THRB: variants seen among roughly 807,000 people sequenced by gnomAD.
The protein encoded by THRB is nuclear receptor subfamily 1 group A member 2.
Under a neutral mutation model 47.8 loss-of-function variants are expected in THRB, and 12 were observed. The observed-to-expected ratio is 0.25, with a 90% CI of 0.16 to 0.41. The LOEUF is 0.41. Ranked by LOEUF, THRB falls within the 10% of genes least tolerant of loss-of-function variation. The pLI, the probability that THRB is intolerant of heterozygous loss-of-function variation, is 1.00. For missense variants in THRB, 348 were observed against 589.2 expected (o/e 0.59, Z 4.24); for synonymous variants, 218 against 212.2 (o/e 1.03, Z -0.24).
Position 24,137,900 on chromosome 3 carries a change from T to C in THRB, c.739-4438A>G, listed in dbSNP as rs547503401. 1.5e-3 allele frequency among the ~76,000 whole-genome samples: 233 copies of C among 152,052 alleles called. 2 individuals carry two copies. The highest frequency in any genetic ancestry group is 3.3e-3 in the Admixed American group (50 of 15,274). ...GATGGAGAGGCCTAGAGAATTACAG[T>C]TGTATATTGGCAGCTGAAAACAAGG... On this transcript the variant is annotated intron_variant, in intron 8 of 10. Coordinates refer to ENST00000646209, the MANE Select transcript of THRB (RefSeq NM_001354712.2).
chr3:24,188,585 T>C (rs1344919042), intron 5 of THRB, among the ~76,000 whole-genome samples: 12 of 151,990 alleles, frequency 7.9e-5, no homozygotes, highest in Non-Finnish European at 1.5e-5. Flanking sequence ...TCAAATTGGG[T>C]TTATGACATT....
At chr3:24,291,912 GTA>G (rs1030859708) in intron 3 of THRB, among the ~76,000 whole-genome samples, 1 of 151,752 alleles carries the variant, frequency 6.6e-6, no homozygotes, top group Non-Finnish European at 1.5e-5. Flanking sequence ...AAATATATAT[GTA>G]TATATATATG....
At chr3:24,431,030 CCAAA>C (rs1475527486) in intron 1 of THRB, 1 of 152,040 alleles carries the variant, frequency 6.6e-6, no homozygotes, top group African/African-American at 2.4e-5. Context: ...TGAAGATTCA[CCAAA>C]CAAACTCATG....
intron 7 of THRB, among the ~76,000 whole-genome samples, chr3:24,145,118 T>C (rs894777983): frequency 6.6e-6 from 1 of 151,476 alleles, no homozygotes; most frequent in Non-Finnish European, 1.5e-5. Flanking sequence ...GGAGGAATGG[T>C]AATAATACCC....
chr3:24,343,504 T>C (rs1483265882), intron 1 of THRB, among the ~76,000 whole-genome samples: 2 of 152,162 alleles, frequency 1.3e-5, no homozygotes, highest in African/African-American at 2.4e-5. Flanking sequence ...ATGGGCAACA[T>C]CCATCTGTTA....
At chr3:24,272,334 A>C (rs939955608) in intron 3 of THRB, among the ~76,000 whole-genome samples, 1 of 143,228 alleles carries the variant, frequency 7.0e-6, no homozygotes, top group Non-Finnish European at 1.6e-5. Flanking sequence ...TGACAGAGTA[A>C]GACTCTCTCT....
At chr3:24,240,650 C>A (rs1427926500) in intron 3 of THRB, among the ~76,000 whole-genome samples, 1 of 152,144 alleles carries the variant, frequency 6.6e-6, no homozygotes, top group Non-Finnish European at 1.5e-5. Flanking sequence ...TAGCAAGGAG[C>A]TACCTATAGC....
Position 24,190,262 on chromosome 3 carries a change from A to G in THRB, c.95T>C (p.Met32Thr). 1 of 1,614,038 alleles carries G rather than the reference A, an allele frequency of 6.2e-7. No individual in the cohort carries two copies. The highest frequency in any genetic ancestry group is 8.5e-7 in the Non-Finnish European group (1 of 1,179,954). The change falls in exon 5 of 11, where the codon ATG (methionine) becomes ACG (threonine). Residue 32 changes from methionine to threonine, a missense_variant. By Grantham distance (81) the Met-to-Thr change is moderately conservative. This residue lies in a region of THRB where 148 missense variants were observed against 122.3 expected (regional missense o/e 1.21). Coordinates refer to ENST00000646209, the MANE Select transcript of THRB (RefSeq NM_001354712.2). ...CTTCCTATGTAGGCAGGCTTCAGAC[A>G]TTCCTACTAGCTTCCAGTCGTGTTC... ...DREHDWKLVG[M>T]SEACLHRKSH... is the part of the protein sequence containing the mutation.
chr3:24,122,844 C>A lies in THRB; in HGVS notation c.*40G>T. The A allele has an allele frequency of 6.2e-7, 1 of 1,613,862 alleles. No homozygotes were observed. The highest frequency in any genetic ancestry group is 1.1e-5 in the South Asian group (1 of 91,032). ...CTAGGCAATGGAATGAAATGACACC[C>A]AGTAGTGCTGTAGGAATTATGAGAA... On this transcript the variant is annotated 3_prime_UTR_variant, in exon 11 of 11. Transcript: ENST00000646209.
chr3:24,302,410 T>G (rs1426838483), intron 2 of THRB, among the ~76,000 whole-genome samples: 3 of 152,240 alleles, frequency 2.0e-5, no homozygotes, highest in Non-Finnish European at 4.4e-5. Context: ...TGTATCTTAT[T>G]AAGTCTTTTA....
chr3:24,287,414 A>AT (rs1051626628), intron 3 of THRB, among the ~76,000 whole-genome samples: 1 of 152,158 alleles, frequency 6.6e-6, no homozygotes, highest in African/African-American at 2.4e-5. Flanking sequence ...ACTTTCATTC[A>AT]TTTTATGAGC....
chr3:24,250,265 C>A (rs1364312054), intron 3 of THRB, among the ~76,000 whole-genome samples: 1 of 152,204 alleles, frequency 6.6e-6, no homozygotes, highest in African/African-American at 2.4e-5. Context: ...AAGTCTCCAA[C>A]TTTGAGATCT....
intron 4 of THRB, among the ~76,000 whole-genome samples, chr3:24,218,020 A>T (rs1443175227): frequency 6.6e-6 from 1 of 152,172 alleles, no homozygotes; most frequent in Admixed American, 6.5e-5. Context: ...TAGTCCCAGC[A>T]CTTTGGGAGG....
chr3:24,306,504 T>A (rs1042747601), intron 2 of THRB, among the ~76,000 whole-genome samples: 1 of 151,390 alleles, frequency 6.6e-6, no homozygotes, highest in Non-Finnish European at 1.5e-5. Context: ...GGAAAAATTA[T>A]CCCAAAGAAA....
intron 1 of THRB, among the ~76,000 whole-genome samples, chr3:24,452,803 C>T (rs991779507): frequency 6.6e-6 from 1 of 152,156 alleles, no homozygotes; most frequent in Non-Finnish European, 1.5e-5. Flanking sequence ...TGCAACCTCT[C>T]CCAAGAAAAC....
intron 1 of THRB, among the ~76,000 whole-genome samples, chr3:24,382,130 A>T (rs1286233938): frequency 6.6e-6 from 1 of 152,086 alleles, no homozygotes; most frequent in Non-Finnish European, 1.5e-5. Flanking sequence ...GAAAGAATAA[A>T]GCCAAAGATA....
intron 1 of THRB, among the ~76,000 whole-genome samples, chr3:24,434,541 T>G (rs949813870): frequency 2.6e-5 from 4 of 152,232 alleles, no homozygotes; most frequent in Admixed American, 2.0e-4. Context: ...GTGAAAAGGC[T>G]TTGCCATCCA....
At chr3:24,417,519 C>T (rs1043787260) in intron 1 of THRB, among the ~76,000 whole-genome samples, 1 of 151,796 alleles carries the variant, frequency 6.6e-6, no homozygotes, top group Non-Finnish European at 1.5e-5. Flanking sequence ...TGTATGATGA[C>T]CTTGGAATGT....
At chr3:24,495,670 G>C (rs1328153919), upstream of THRB, 1 of 152,254 alleles carries the variant, frequency 6.6e-6, no homozygotes, top group Non-Finnish European at 1.5e-5. Flanking sequence ...ACCGGAGGGC[G>C]AGTCTTCCAG....
Sources: allele counts gnomAD v4.1 joint callset (sites outside exome capture counted in the v4.1 genomes callset), GRCh38; gene constraint gnomAD v4.1.1; regional missense constraint gnomAD v4.1.1; transcripts MANE v1.5; gene names NCBI Gene and HGNC (gene_info 2026-07-23, HGNC 2026-07-21).